Variants in HAUS8 observed in about 807,000 individuals in gnomAD.
HAUS8 encodes the protein HAUS augmin-like complex subunit 8.
In HAUS8, 38 loss-of-function variants were observed where a neutral mutation model predicts 42.9. The ratio of observed to expected loss-of-function variants is 0.89; its 90% CI spans 0.68 to 1.16. The LOEUF is 1.16. Ranked by LOEUF, HAUS8 falls within the 50% of genes most tolerant of loss-of-function variation. The probability of loss-of-function intolerance (pLI) is 0.00; values close to 1 mark genes in which losing one functional copy is unlikely to be tolerated. For missense variants in HAUS8, 494 were observed against 511.6 expected (o/e 0.97, Z 0.33); for synonymous variants, 199 against 205.8 (o/e 0.97, Z 0.28).
chr19:17,075,300 C>T (rs1310444860), intron 1 of HAUS8, 94 bp downstream of exon 1: 46 of 1,413,058 alleles, frequency 3.3e-5, no homozygotes, highest in Non-Finnish European at 4.3e-5. Context: ...CGAACCCGAA[C>T]TCACCCCGAG....
At chr19:17,052,688 G>A in intron 10 of HAUS8, 137 bp downstream of exon 10, 1 of 837,222 alleles carries the variant, frequency 1.2e-6, no homozygotes, top group Non-Finnish European at 1.9e-6. Flanking sequence ...GCAGCGTCTG[G>A]GAAAAGAGCA....
At chr19:17,072,642 A>ATTTC (rs1156851349) in intron 2 of HAUS8, among the ~76,000 whole-genome samples, 1 of 150,508 alleles carries the variant, frequency 6.6e-6, no homozygotes, top group African/African-American at 2.4e-5. Flanking sequence ...GTCCAGCCAC[A>ATTTC]TTTCCTTTTT....
At chr19:17,058,389 T>C (rs1046451116) in intron 8 of HAUS8, among the ~76,000 whole-genome samples, 160 bp downstream of exon 8, 2 of 152,206 alleles carry the variant, frequency 1.3e-5, no homozygotes, top group African/African-American at 2.4e-5. Flanking sequence ...AGTGTCATCA[T>C]AGACCAACAC....
chr19:17,054,627 C>A (rs1328190611), intron 9 of HAUS8, among the ~76,000 whole-genome samples: 4 of 152,038 alleles, frequency 2.6e-5, no homozygotes, highest in South Asian at 2.1e-4. Flanking sequence ...CATGGAGAAA[C>A]CCTGTCTCTA....
At chr19:17,065,171 G>A (rs1319558211) in intron 3 of HAUS8, among the ~76,000 whole-genome samples, 2 of 152,226 alleles carry the variant, frequency 1.3e-5, no homozygotes, top group Non-Finnish European at 2.9e-5. Context: ...AGACTGGCTA[G>A]AATGTGAAAG....
intron 3 of HAUS8, among the ~76,000 whole-genome samples, chr19:17,064,759 A>G (rs554744146): frequency 2.9e-4 from 44 of 152,380 alleles, no homozygotes; most frequent in African/African-American, 9.6e-4. Flanking sequence ...AAACTCGTAC[A>G]AGAAAACAGG....
chr19:17,072,338 CTTTTTTTTTTTT>C (rs71180355), intron 2 of HAUS8, among the ~76,000 whole-genome samples: 8 of 87,538 alleles, frequency 9.1e-5, no homozygotes, highest in African/African-American at 3.5e-4. Flanking sequence ...CGAGCATTTC[CTTTTTTTTTTTT>C]TTTTTTTTTT....
At chr19:17,073,407 C>T in intron 1 of HAUS8, 72 bp from the exon 2 acceptor site, 1 of 1,415,312 alleles carries the variant, frequency 7.1e-7, no homozygotes, top group Non-Finnish European at 1.0e-6. Context: ...CGAGGTGCCT[C>T]TGCTAGTTGA....
chr19:17,068,099 C>CTTTTTTTTTTTTTTTTTTTT (rs889723027), intron 3 of HAUS8, among the ~76,000 whole-genome samples: 33 of 93,472 alleles, frequency 3.5e-4, no homozygotes, highest in Middle Eastern at 7.2e-3. Flanking sequence ...TTATTTTATT[C>CTTTTTTTTTTTTTTTTTTTT]TTTTTTTTTT....
chr19:17,056,743 C>T (rs1438460742), intron 8 of HAUS8, among the ~76,000 whole-genome samples: 1 of 151,876 alleles, frequency 6.6e-6, no homozygotes, highest in Non-Finnish European at 1.5e-5. Flanking sequence ...GCACGCATCA[C>T]CATGCCCAGC....
chr19:17,074,670 C>T (rs1286171904), intron 1 of HAUS8: 1 of 152,476 alleles, frequency 6.6e-6, no homozygotes, highest in Non-Finnish European at 1.5e-5. Flanking sequence ...GTGCGAGCCT[C>T]AGCTACTGCA....
Position 17,055,177 on chromosome 19 carries a change from TATATATATATATATAA to T in HAUS8, c.787+668_787+683del, listed in dbSNP as rs1462545134. On this transcript the variant is annotated intron_variant, in intron 9 of 10. Coordinates refer to ENST00000253669, the MANE Select transcript of HAUS8 (RefSeq NM_033417.2). Reference sequence around the variant, plus strand: ...ATATATATATATATATATATATATATATATATATATATATAAGCCAGGTGTGGTGGTGCCCACGTGT... The same window carrying T: ...ATATATATATATATATATATATATATGCCAGGTGTGGTGGTGCCCACGTGT... 1.1e-3 allele frequency: 54 copies of T among 50,488 alleles called. 2 individuals are homozygous for T. The highest frequency in any genetic ancestry group is 5.1e-3 in the African/African-American group (52 of 10,124). The allele number at this position is 50,488 out of a possible 1,614,324, so 3.1% of individuals were successfully genotyped here.
intron 3 of HAUS8, among the ~76,000 whole-genome samples, chr19:17,065,432 GAACA>G (rs2057381817): frequency 6.6e-6 from 1 of 152,192 alleles, no homozygotes; most frequent in South Asian, 2.1e-4. Context: ...AGAAGAATCT[GAACA>G]GACAGGACTT....
intron 3 of HAUS8, among the ~76,000 whole-genome samples, chr19:17,068,753 G>C (rs1217863819): frequency 3.9e-5 from 6 of 151,986 alleles, no homozygotes; most frequent in African/African-American, 9.7e-5. Context: ...AACAGAGAGA[G>C]ACCTTGCCTC....
intron 10 of HAUS8, chr19:17,052,595 A>C: frequency 2.3e-6 from 1 of 431,776 alleles, no homozygotes; most frequent in East Asian, 4.2e-5. Flanking sequence ...AAGAAAGGGA[A>C]GGCAAGGCGG....
At chr19:17,071,917 C>T (rs953805850) in intron 2 of HAUS8, among the ~76,000 whole-genome samples, 5 of 151,946 alleles carry the variant, frequency 3.3e-5, no homozygotes, top group East Asian at 1.9e-4. Context: ...ACCTGGGAGG[C>T]GGGAGCTACA....
At chr19:17,057,888 GAC>G (rs1374322199) in intron 8 of HAUS8, among the ~76,000 whole-genome samples, 2 of 152,210 alleles carry the variant, frequency 1.3e-5, no homozygotes. Context: ...GGGGGACACA[GAC>G]ACACACAGCA....
chr19:17,060,894 C>T lies in HAUS8; in HGVS notation c.230-802G>A, dbSNP rs367828420. ...GTGCTGCAGATGCCAACAGATGGCA[C>T]GTACGGTATGTTGTGTTAGGAACTA... On this transcript the variant is annotated intron_variant, in intron 4 of 10. Transcript: ENST00000253669. Among the ~76,000 whole-genome samples the T allele has an allele frequency of 4.6e-4, 70 of 152,240 alleles. No individual in the cohort carries two copies. The East Asian group carries it at 0.011, about 24-fold the overall frequency.
Position 17,058,817 on chromosome 19 carries a change from G to A in HAUS8, c.480C>T (p.Ser160=), listed in dbSNP as rs750162409. Residue 160 remains serine, a synonymous_variant, in exon 7 of 11, where the codon TCC becomes TCT. Transcript: ENST00000253669. ...ESQTLLLTLL[S]VKMENNLAEF... ...AACAAGAAACTGTTTTCACCTTTAC[G>A]GATAGTAGCGTCAGCAGTAGTGTCT... 60 of 1,613,020 alleles carry A rather than the reference G, an allele frequency of 3.7e-5. No homozygotes were observed. The highest frequency in any genetic ancestry group is 5.0e-5 in the Admixed American group (3 of 59,812).
Sources: allele counts gnomAD v4.1 joint callset (sites outside exome capture counted in the v4.1 genomes callset), GRCh38; gene constraint gnomAD v4.1.1; transcripts MANE v1.5; gene names NCBI Gene and HGNC (gene_info 2026-07-23, HGNC 2026-07-21).